Variants in HUS1 observed in about 807,000 individuals in gnomAD.
HUS1 encodes HUS1 checkpoint clamp component, also known as checkpoint protein HUS1.
A neutral mutation model predicts 32.6 loss-of-function variants in HUS1; 31 were observed. The observed-to-expected ratio is 0.95, with a 90% confidence interval of 0.72 to 1.28. The LOEUF (loss-of-function observed/expected upper bound fraction) is 1.28. Ranked by LOEUF, HUS1 falls within the 50% of genes most tolerant of loss-of-function variation. The pLI is 0.00. For missense variants in HUS1, 340 were observed against 337.7 expected, an observed-to-expected ratio of 1.01 and a Z score of -0.05; for synonymous variants, 123 against 116.6, an observed-to-expected ratio of 1.06 and a Z score of -0.36.
intron 1 of HUS1, 63 bp downstream of exon 1, chr7:47,979,405 C>G: frequency 6.2e-7 from 1 of 1,600,710 alleles, no homozygotes; most frequent in Non-Finnish European, 8.5e-7. Context: ...CTGCGCGGTC[C>G]CCACCGCGCG....
intron 5 of HUS1, among the ~76,000 whole-genome samples, chr7:47,970,157 C>T (rs1381356946): frequency 7.4e-6 from 1 of 135,480 alleles, no homozygotes; most frequent in Non-Finnish European, 1.5e-5. Context: ...GGCATGAACC[C>T]GGGAGGCGGA....
intron 5 of HUS1, among the ~76,000 whole-genome samples, chr7:47,972,306 C>T (rs1457657119): frequency 6.6e-6 from 1 of 152,140 alleles, no homozygotes; most frequent in Non-Finnish European, 1.5e-5. Flanking sequence ...TTGCAATGGG[C>T]CTAGATGCAC....
intron 6 of HUS1, chr7:47,968,791 AAC>A (rs1243645715): frequency 6.3e-6 from 1 of 159,102 alleles, no homozygotes; most frequent in African/African-American, 2.4e-5. Context: ...GATCAAGTGA[AAC>A]AGTTTTGCAT....
Position 47,975,313 on chromosome 7 carries a change from G to A in HUS1, c.540+300C>T, listed in dbSNP as rs748316129. 1.4e-3 allele frequency among the ~76,000 whole-genome samples: 172 copies of A among 126,682 alleles called. 1 individual carries two copies. Among genetic ancestry groups the A allele is most frequent in the Admixed American group, 2.6e-3 (29 of 11,364 alleles). The allele number at this position is 126,682 out of a possible 152,430, so 83.1% of individuals were successfully genotyped here. ...AGCCTGGGCGACAGAGTGAGACTCTGTCTCAAAAAAAAAAAAAAAAAAGAA... is the reference window on the plus strand; with the variant it reads ...AGCCTGGGCGACAGAGTGAGACTCTATCTCAAAAAAAAAAAAAAAAAAGAA... On this transcript the variant is annotated intron_variant, in intron 5 of 7. Coordinates refer to ENST00000258774, the MANE Select transcript of HUS1 (RefSeq NM_004507.4).
At chr7:47,979,397 G>T in intron 1 of HUS1, 71 bp downstream of exon 1, 2 of 1,573,198 alleles carry the variant, frequency 1.3e-6, no homozygotes, top group South Asian at 1.1e-5. Flanking sequence ...TGATCCTCCT[G>T]CGCGGTCCCC....
intron 1 of HUS1, among the ~76,000 whole-genome samples, chr7:47,979,180 G>A (rs1788773090): frequency 6.6e-6 from 1 of 152,122 alleles, no homozygotes; most frequent in African/African-American, 2.4e-5. Flanking sequence ...GCCTGATAAA[G>A]CCGTCTATGG....
At chr7:47,968,038 A>G (rs955981948) in intron 6 of HUS1, 113 bp from the exon 7 acceptor site, 1 of 1,092,780 alleles carries the variant, frequency 9.2e-7, no homozygotes, top group African/African-American at 1.6e-5. Context: ...TGATTTTAGC[A>G]TCCTGAAGAA....
At position 47,970,497 on chromosome 7, in the gene HUS1, A is replaced by T. The variant is rs1359571983; in HGVS notation, c.541-1179T>A. ...GAAAGGAGAAAGATAAAATTTACCA[A>T]ACAGAAACAAAGAGTTAAAAGGATC... On this transcript the variant is annotated intron_variant, in intron 5 of 7. Transcript: ENST00000258774. Among the ~76,000 whole-genome samples, 3 of 152,172 alleles carry T rather than the reference A, an allele frequency of 2.0e-5. No individual in the cohort carries two copies. In the South Asian group the frequency reaches 6.2e-4, roughly 32 times the overall value.
At chr7:47,968,024 G>T in intron 6 of HUS1, 99 bp from the exon 7 acceptor site, 1 of 1,294,042 alleles carries the variant, frequency 7.7e-7, no homozygotes, top group Non-Finnish European at 1.1e-6. Flanking sequence ...ATTCACTTTA[G>T]CACTGATTTT....
intron 5 of HUS1, among the ~76,000 whole-genome samples, chr7:47,974,859 G>GC (rs1260397250): frequency 3.9e-5 from 6 of 152,164 alleles, no homozygotes; most frequent in Non-Finnish European, 7.3e-5. Context: ...GTGCCCCCTA[G>GC]CTTGGTGTGA....
intron 5 of HUS1, among the ~76,000 whole-genome samples, chr7:47,974,954 C>T (rs1788669842): frequency 6.6e-6 from 1 of 152,156 alleles, no homozygotes; most frequent in African/African-American, 2.4e-5. Flanking sequence ...AGACAGGAAA[C>T]TCCAAACTCA....
At chr7:47,976,486 T>C (rs931165352) in intron 4 of HUS1, 2 of 564,306 alleles carry the variant, frequency 3.5e-6, no homozygotes, top group African/African-American at 3.7e-5. Context: ...CCTCCAAAAG[T>C]ATCATTTGTG....
At chr7:47,968,585 C>G (rs1274144330) in intron 6 of HUS1, among the ~76,000 whole-genome samples, 1 of 152,174 alleles carries the variant, frequency 6.6e-6, no homozygotes, top group Non-Finnish European at 1.5e-5. Flanking sequence ...CTCATCATCC[C>G]CAGGTGTTTC....
chr7:47,977,712 T>C (rs1040163028), intron 3 of HUS1, among the ~76,000 whole-genome samples: 1 of 151,966 alleles, frequency 6.6e-6, no homozygotes, highest in African/African-American at 2.4e-5. Flanking sequence ...GCCAATATGG[T>C]GATACCCCGA....
At chr7:47,978,138 T>C (rs1479108119) in intron 3 of HUS1, 5 of 330,756 alleles carry the variant, frequency 1.5e-5, no homozygotes, top group South Asian at 5.9e-5. Context: ...GAAACCATGA[T>C]TTCTAGACAA....
intron 1 of HUS1, 138 bp from the exon 2 acceptor site, chr7:47,978,954 T>C: frequency 1.3e-6 from 1 of 787,840 alleles, no homozygotes; most frequent in Non-Finnish European, 2.0e-6. Flanking sequence ...CACTGGAAAG[T>C]ACTTTAATAC....
chr7:47,970,724 A>T (rs1046110877), intron 5 of HUS1, among the ~76,000 whole-genome samples: 4 of 152,212 alleles, frequency 2.6e-5, no homozygotes, highest in Non-Finnish European at 5.9e-5. Context: ...GGATTGAAAG[A>T]AAAATGGGAA....
chr7:47,978,648 A>G lies in HUS1; in HGVS notation c.180+41T>C, dbSNP rs3176502. 18 of 1,612,702 alleles carry G rather than the reference A, an allele frequency of 1.1e-5. No homozygotes were observed. The South Asian group carries it at 1.9e-4, about 17-fold the overall frequency. ...GGGTATATGTGATCTTTCCAGTGAC[A>G]ATCTGCAGAGTGTGCAGGCCTCTCA... On this transcript the variant is annotated intron_variant, in intron 2 of 7. Transcript: ENST00000258774.
chr7:47,966,514 C>T (rs1347574860), intron 7 of HUS1, among the ~76,000 whole-genome samples: 1 of 152,112 alleles, frequency 6.6e-6, no homozygotes, highest in African/African-American at 2.4e-5. Context: ...CAGGGGCCCC[C>T]CACACCCTGT....
Sources: allele counts gnomAD v4.1 joint callset (sites outside exome capture counted in the v4.1 genomes callset), GRCh38; gene constraint gnomAD v4.1.1; transcripts MANE v1.5; gene names NCBI Gene and HGNC (gene_info 2026-07-23, HGNC 2026-07-21).